NEO1: variants seen among roughly 807,000 people sequenced by gnomAD.
The protein encoded by NEO1 is neogenin 1, also known as neogenin.
In NEO1, 63 loss-of-function variants were observed where a neutral mutation model predicts 159.7. The ratio of observed to expected loss-of-function variants is 0.39; its 90% CI spans 0.32 to 0.49. The LOEUF (loss-of-function observed/expected upper bound fraction) is 0.49. Ranked by LOEUF, NEO1 falls within the 20% of genes least tolerant of loss-of-function variation. The probability of loss-of-function intolerance (pLI) is 0.85; values close to 1 mark genes in which losing one functional copy is unlikely to be tolerated. For synonymous variants in NEO1, 633 were observed against 662.0 expected (o/e 0.96, Z 0.67); for missense variants, 1,615 against 1,831.0 (o/e 0.88, Z 2.15).
At chr15:73,170,769 T>G (rs1321327367) in intron 5 of NEO1, among the ~76,000 whole-genome samples, 1 of 152,182 alleles carries the variant, frequency 6.6e-6, no homozygotes, top group Non-Finnish European at 1.5e-5. Context: ...TACGGTACTT[T>G]AGGATAACCA....
At chr15:73,205,661 A>G (rs750845924) in intron 7 of NEO1, among the ~76,000 whole-genome samples, 2 of 152,222 alleles carry the variant, frequency 1.3e-5, no homozygotes, top group African/African-American at 2.4e-5. Flanking sequence ...TATGTCTCCC[A>G]TGGCTTCTGC....
chr15:73,226,900 A>G (rs2038621768), intron 7 of NEO1, among the ~76,000 whole-genome samples: 2 of 152,218 alleles, frequency 1.3e-5, no homozygotes, highest in Admixed American at 1.3e-4. Flanking sequence ...GATTCCAAAA[A>G]GAAAATGTAA....
intron 25 of NEO1, among the ~76,000 whole-genome samples, chr15:73,289,735 G>A (rs2042088575): frequency 6.6e-6 from 1 of 152,126 alleles, no homozygotes; most frequent in Non-Finnish European, 1.5e-5. Context: ...TGGAGGCCAG[G>A]AGTTCTAGAC....
chr15:73,122,616 C>G lies in NEO1; in HGVS notation c.540C>G (p.Val180=). 1 of 1,614,092 alleles carries G rather than the reference C, an allele frequency of 6.2e-7. No individual in the cohort carries two copies. The highest frequency in any genetic ancestry group is 8.5e-7 in the Non-Finnish European group (1 of 1,180,012). Residue 180 remains valine, a synonymous_variant, in exon 3 of 29, where the codon GTC becomes GTG. Transcript: ENST00000261908. ...ILNCEVNADL[V]PFVRWEQNRQ... is the part of the protein sequence containing the mutation. Reference sequence around the variant, plus strand: ...ATTGTGAAGTTAATGCAGATTTGGTCCCATTTGTGAGGTGGGAACAGAACA... The same window carrying G: ...ATTGTGAAGTTAATGCAGATTTGGTGCCATTTGTGAGGTGGGAACAGAACA...
chr15:73,264,944 G>A (rs116764189), intron 15 of NEO1, among the ~76,000 whole-genome samples: 336 of 152,292 alleles, frequency 2.2e-3, no homozygotes, highest in African/African-American at 7.7e-3. Context: ...AATTGTTCAC[G>A]GTGCTGAGGG....
Position 73,177,631 on chromosome 15 carries a change from C to T in NEO1, c.1171-676C>T, listed in dbSNP as rs1181659729. ...GTTTGATCATAGCTCACCACAGCCT[C>T]AAACTCCTGGGCTTAAGCGATCCTC... On this transcript the variant is annotated intron_variant, in intron 6 of 28. Coordinates refer to ENST00000261908, the MANE Select transcript of NEO1 (RefSeq NM_002499.4). Among the ~76,000 whole-genome samples the T allele has an allele frequency of 2.0e-5, 3 of 152,122 alleles. No individual in the cohort carries two copies. In the East Asian group the frequency reaches 5.8e-4, roughly 29 times the overall value.
chr15:73,054,862 C>A (rs2067625224), intron 1 of NEO1, among the ~76,000 whole-genome samples: 1 of 152,190 alleles, frequency 6.6e-6, no homozygotes, highest in Non-Finnish European at 1.5e-5. Flanking sequence ...GTCCGCAAAT[C>A]AGATGTCCTT....
chr15:73,247,557 G>A (rs1001668234), intron 9 of NEO1, among the ~76,000 whole-genome samples: 6 of 152,148 alleles, frequency 3.9e-5, no homozygotes, highest in Admixed American at 1.3e-4. Flanking sequence ...CATAACTAAA[G>A]CAAACAACTG....
At chr15:73,087,875 T>G (rs2069453644) in intron 1 of NEO1, among the ~76,000 whole-genome samples, 1 of 152,110 alleles carries the variant, frequency 6.6e-6, no homozygotes, top group South Asian at 2.1e-4. Flanking sequence ...CCAGTGTGGT[T>G]TCTAATTTTG....
At chr15:73,103,050 T>C (rs1053431607) in intron 1 of NEO1, among the ~76,000 whole-genome samples, 1 of 152,186 alleles carries the variant, frequency 6.6e-6, no homozygotes, top group South Asian at 2.1e-4. Context: ...ACGTATTGAT[T>C]CCACTCTAAA....
intron 7 of NEO1, among the ~76,000 whole-genome samples, chr15:73,198,869 T>C (rs988237781): frequency 6.6e-6 from 1 of 151,932 alleles, no homozygotes; most frequent in Admixed American, 6.6e-5. Flanking sequence ...ATTATGAAGA[T>C]AATACAGATA....
chr15:73,263,190 CTTT>C (rs33959030), intron 15 of NEO1, among the ~76,000 whole-genome samples: 13,443 of 123,582 alleles, frequency 0.11, 440 homozygotes, highest in Non-Finnish European at 0.12. Flanking sequence ...TCATAGTTGA[CTTT>C]TTTTTTTTTT....
intron 1 of NEO1, among the ~76,000 whole-genome samples, chr15:73,111,262 C>T (rs1181013538): frequency 6.6e-6 from 1 of 152,172 alleles, no homozygotes; most frequent in African/African-American, 2.4e-5. Context: ...TCATACTCGA[C>T]ATATTTTGAA....
chr15:73,301,224 C>T (rs2042598716), intron 27 of NEO1, 97 bp from the exon 28 acceptor site: 6 of 1,506,208 alleles, frequency 4.0e-6, no homozygotes, highest in African/African-American at 1.4e-5. Context: ...GTCTGTATGT[C>T]TCTCTCACCC....
At chr15:73,141,613 A>G (rs1052150339) in intron 5 of NEO1, among the ~76,000 whole-genome samples, 8 of 152,232 alleles carry the variant, frequency 5.3e-5, no homozygotes, top group Non-Finnish European at 7.3e-5. Flanking sequence ...CCCCTTTGAC[A>G]TTGTAAATAC....
At chr15:73,067,717 C>T (rs572530455) in intron 1 of NEO1, among the ~76,000 whole-genome samples, 16 of 151,620 alleles carry the variant, frequency 1.1e-4, no homozygotes, top group Admixed American at 7.2e-4. Context: ...CCCAGGTTCA[C>T]GCCATTCTCC....
At chr15:73,217,830 A>G (rs1294880497) in intron 7 of NEO1, among the ~76,000 whole-genome samples, 1 of 152,186 alleles carries the variant, frequency 6.6e-6, no homozygotes, top group African/African-American at 2.4e-5. Context: ...TTTTGGGTTG[A>G]GACAATGGGG....
chr15:73,117,030 C>T (rs1422503742), intron 2 of NEO1, among the ~76,000 whole-genome samples, 173 bp downstream of exon 2: 1 of 152,172 alleles, frequency 6.6e-6, no homozygotes, highest in African/African-American at 2.4e-5. Context: ...AGGGCTTGCT[C>T]AGTGCCGTAG....
intron 3 of NEO1, among the ~76,000 whole-genome samples, chr15:73,123,560 C>T (rs1390431416): frequency 6.6e-6 from 1 of 152,088 alleles, no homozygotes. Context: ...AAATTCAGCT[C>T]CTATTTCAGT....
Sources: gnomAD v4.1 joint callset for allele counts (sites outside exome capture counted in the v4.1 genomes callset) on GRCh38, gnomAD v4.1.1 for gene constraint, MANE v1.5 for transcripts, NCBI Gene and HGNC (gene_info 2026-07-23, HGNC 2026-07-21) for gene names.